SV2C: variants seen among roughly 807,000 people sequenced by gnomAD.
SV2C encodes the protein synaptic vesicle glycoprotein 2C.
A neutral mutation model predicts 79.7 loss-of-function variants in SV2C; 49 were observed. The ratio of observed to expected loss-of-function variants is 0.61; its 90% confidence interval spans 0.49 to 0.78. The LOEUF (loss-of-function observed/expected upper bound fraction) is 0.78, where lower values mean the gene tolerates loss of function less well. SV2C is among the 30% of genes least tolerant of loss of function. The probability of loss-of-function intolerance (pLI) is 0.00; values close to 1 mark genes in which losing one functional copy is unlikely to be tolerated. For synonymous variants in SV2C, 334 were observed against 333.2 expected (o/e 1.00, Z -0.03); for missense variants, 833 against 912.9 (o/e 0.91, Z 1.13).
intron 1 of SV2C, among the ~76,000 whole-genome samples, chr5:76,125,928 A>G (rs893526922): frequency 2.0e-5 from 3 of 152,110 alleles, no homozygotes; most frequent in Non-Finnish European, 4.4e-5. Context: ...ATGGTGGTGC[A>G]CACCTGTAGT....
downstream of SV2C, among the ~76,000 whole-genome samples, chr5:76,335,491 G>A (rs942142847): frequency 1.8e-4 from 26 of 145,842 alleles, no homozygotes; most frequent in Non-Finnish European, 3.3e-4. Flanking sequence ...CAGGGTCATA[G>A]GACAATAGTG....
intron 2 of SV2C, among the ~76,000 whole-genome samples, chr5:76,186,157 T>C (rs191423431): frequency 6.6e-6 from 1 of 152,320 alleles, no homozygotes; most frequent in African/African-American, 2.4e-5. Context: ...TCCATATCAC[T>C]ACCAGCATTT....
At chr5:76,186,068 A>G (rs551761104) in intron 2 of SV2C, among the ~76,000 whole-genome samples, 1 of 152,322 alleles carries the variant, frequency 6.6e-6, no homozygotes. Context: ...TTCTCTTTGC[A>G]TAGCAAGAGT....
chr5:76,198,615 C>G (rs1744342554), intron 3 of SV2C, among the ~76,000 whole-genome samples: 1 of 152,168 alleles, frequency 6.6e-6, no homozygotes, highest in Admixed American at 6.5e-5. Flanking sequence ...TTAATCCAGT[C>G]AAGTTAACAT....
intron 8 of SV2C, among the ~76,000 whole-genome samples, chr5:76,292,599 C>T (rs1013162266): frequency 1.3e-5 from 2 of 152,054 alleles, no homozygotes; most frequent in African/African-American, 4.8e-5. Flanking sequence ...ATAATCACAC[C>T]TGTTACTAGC....
the SV2C span, among the ~76,000 whole-genome samples, chr5:76,073,503 G>GTATGTGTATATATA: frequency 3.0e-5 from 2 of 67,448 alleles, no homozygotes; most frequent in African/African-American, 6.6e-5. Flanking sequence ...GTATGTGTGT[G>GTATGTGTATATATA]TATATATATA....
chr5:76,337,015 A>G (rs1314049233), downstream of SV2C, among the ~76,000 whole-genome samples: 2 of 152,156 alleles, frequency 1.3e-5, no homozygotes, highest in Non-Finnish European at 2.9e-5. Flanking sequence ...ACAAGGCAAC[A>G]TAAGTCTTGA....
chr5:76,002,174 A>G, the SV2C span, among the ~76,000 whole-genome samples: 49 of 45,298 alleles, frequency 1.1e-3, no homozygotes, highest in African/African-American at 2.7e-3. Context: ...GTGTGTGTAT[A>G]TATATATATA....
intron 4 of SV2C, among the ~76,000 whole-genome samples, chr5:76,281,418 G>T (rs944218185): frequency 4.0e-5 from 6 of 151,770 alleles, no homozygotes; most frequent in Admixed American, 3.3e-4. Flanking sequence ...AAAAAGGCAG[G>T]GAGCCTGAAG....
At chr5:76,189,756 C>T (rs569026528) in intron 2 of SV2C, among the ~76,000 whole-genome samples, 2 of 152,104 alleles carry the variant, frequency 1.3e-5, no homozygotes, top group African/African-American at 2.4e-5. Context: ...GGAGTGAGAC[C>T]GTAAAAACAC....
chr5:75,970,366 A>C, the SV2C span, among the ~76,000 whole-genome samples: 715 of 152,256 alleles, frequency 4.7e-3, 3 homozygotes, highest in African/African-American at 0.016. Context: ...AACCCTTCAA[A>C]AAATCAATGA....
intron 4 of SV2C, among the ~76,000 whole-genome samples, chr5:76,258,584 A>G (rs1353405109): frequency 6.6e-6 from 1 of 152,216 alleles, no homozygotes; most frequent in Non-Finnish European, 1.5e-5. Context: ...ATACCAAATC[A>G]GATTAGTTTA....
intron 12 of SV2C, among the ~76,000 whole-genome samples, chr5:76,339,473 G>C (rs948608934): frequency 2.0e-5 from 3 of 152,128 alleles, no homozygotes; most frequent in Middle Eastern, 3.2e-3. Flanking sequence ...CCAGCACTTT[G>C]GGAGGCCAAG....
At chr5:76,298,632 A>T (rs34664047) in intron 9 of SV2C, among the ~76,000 whole-genome samples, 162 bp from the exon 10 acceptor site, 51,380 of 151,988 alleles carry the variant, frequency 0.34, 9,035 homozygotes, top group Admixed American at 0.4. Context: ...TGGATGAGAA[A>T]AAGGGGAAAA....
chr5:76,017,611 T>C, the SV2C span, among the ~76,000 whole-genome samples: 1,180 of 152,254 alleles, frequency 7.8e-3, 18 homozygotes, highest in African/African-American at 0.026. Flanking sequence ...ATTTTAGCAT[T>C]TCCTCATTAA....
the SV2C span, among the ~76,000 whole-genome samples, chr5:76,037,177 G>T: frequency 6.6e-6 from 1 of 152,030 alleles, no homozygotes; most frequent in Non-Finnish European, 1.5e-5. Flanking sequence ...CAACTTCTTT[G>T]CCTTTGGTTT....
rs79719466 is a variant in SV2C at position 76,104,043 on chromosome 5, A to C, written c.-102+20531A>C. Among the ~76,000 whole-genome samples the C allele has an allele frequency of 2.9e-3, 442 of 152,330 alleles. 3 individuals are homozygous for C. The highest frequency in any genetic ancestry group is 0.026 in the South Asian group (124 of 4,828). ...TGACTAACTTTATTCTATGTAGTCT[A>C]TGGAAGGCCCTAGAAATATGTTCAT... On this transcript the variant is annotated intron_variant, in intron 1 of 12. Transcript: ENST00000502798.
intron 1 of SV2C, among the ~76,000 whole-genome samples, chr5:76,093,925 G>A (rs761414349): frequency 2.0e-5 from 3 of 152,138 alleles, no homozygotes; most frequent in South Asian, 4.2e-4. Context: ...TATATTACCC[G>A]TTGCCCTATT....
intron 3 of SV2C, among the ~76,000 whole-genome samples, chr5:76,203,724 A>AT (rs1246643974): frequency 6.6e-6 from 1 of 152,202 alleles, no homozygotes; most frequent in Non-Finnish European, 1.5e-5. Context: ...AAAGATCAAT[A>AT]TTTTTTAAAT....
Sources: gnomAD v4.1 joint callset for allele counts (sites outside exome capture counted in the v4.1 genomes callset) on GRCh38, gnomAD v4.1.1 for gene constraint, MANE v1.5 for transcripts, NCBI Gene and HGNC (gene_info 2026-07-23, HGNC 2026-07-21) for gene names.